The following AMBN variants were observed in gnomAD, a reference collection of about 807,000 sequenced individuals.
The protein encoded by AMBN is ameloblastin, also known as enamel matrix protein.
Under a neutral mutation model 48.0 loss-of-function variants are expected in AMBN, and 54 were observed. The ratio of observed to expected loss-of-function variants is 1.12; its 90% CI spans 0.90 to 1.41. The LOEUF is 1.41. AMBN is among the 40% of genes most tolerant of loss of function. The pLI is 0.00. For missense variants in AMBN, 571 were observed against 547.3 expected (o/e 1.04, Z -0.43); for synonymous variants, 186 against 190.0 (o/e 0.98, Z 0.17).
chr4:70,600,118 C>T (rs572136702), intron 5 of AMBN, among the ~76,000 whole-genome samples: 1 of 152,078 alleles, frequency 6.6e-6, no homozygotes, highest in Admixed American at 6.5e-5. Context: ...ACCAGCCTGG[C>T]CAACATGGTG....
chr4:70,595,344 C>T (rs1178176450), intron 2 of AMBN, among the ~76,000 whole-genome samples: 10 of 151,962 alleles, frequency 6.6e-5, no homozygotes, highest in African/African-American at 1.7e-4. Context: ...CGTGTCACCA[C>T]GCCCAGCTAA....
At chr4:70,598,478 AATTT>A in intron 4 of AMBN, 75 bp downstream of exon 4, 1 of 1,231,558 alleles carries the variant, frequency 8.1e-7, no homozygotes, top group Non-Finnish European at 1.1e-6. Context: ...TAATTCATCA[AATTT>A]ATTTATGAAT....
intron 6 of AMBN, chr4:70,601,876 A>C (rs28538959): frequency 0.38 from 245,414 of 652,418 alleles, 48,605 homozygotes; most frequent in Admixed American, 0.43. Context: ...TCTAAAAGAT[A>C]CTGTGCCTAT....
chr4:70,598,770 T>TTTTATTTA (rs982792752), intron 4 of AMBN, among the ~76,000 whole-genome samples: 1 of 151,750 alleles, frequency 6.6e-6, no homozygotes, highest in South Asian at 2.1e-4. Context: ...CTTATTTTAT[T>TTTTATTTA]TTTATTTATT....
At position 70,601,630 on chromosome 4, in the gene AMBN, A is replaced by G. The variant is rs1247231314; in HGVS notation, c.507A>G (p.Pro169=). 3 of 1,614,156 alleles carry G rather than the reference A, an allele frequency of 1.9e-6. No homozygotes were observed. The Admixed American group carries it at 5.0e-5, about 27-fold the overall frequency. The change falls in exon 6 of 13, where the codon CCA becomes CCG. Residue 169 remains proline (P), a synonymous_variant. Coordinates refer to ENST00000322937, the MANE Select transcript of AMBN (RefSeq NM_016519.6). The part of the protein sequence containing the change: ...ELPLVQQQVA[P]SDKPPKPELP... ...CTCTGGTTCAGCAGCAGGTGGCACC[A>G]TCAGATAAGCCACCAAAGCCTGAGG...
intron 4 of AMBN, 73 bp from the exon 5 acceptor site, chr4:70,599,463 G>T: frequency 8.4e-7 from 1 of 1,184,914 alleles, no homozygotes; most frequent in Non-Finnish European, 1.2e-6. Context: ...AAAAGGAAAA[G>T]GAAAACCAAA....
At chr4:70,602,885 A>G in intron 8 of AMBN, 49 bp downstream of exon 8, 1 of 1,537,376 alleles carries the variant, frequency 6.5e-7, no homozygotes, top group Non-Finnish European at 8.8e-7. Context: ...TTTTATTTTT[A>G]TTTGTTCACT....
At chr4:70,593,305 C>A (rs1379478120) in intron 1 of AMBN, 22 bp from the exon 2 acceptor site, 2 of 1,568,680 alleles carry the variant, frequency 1.3e-6, no homozygotes, top group South Asian at 1.1e-5. Context: ...TGATTTAATT[C>A]TCCAACTTAA....
At chr4:70,594,001 G>A (rs895738500) in intron 2 of AMBN, among the ~76,000 whole-genome samples, 22 of 151,964 alleles carry the variant, frequency 1.4e-4, no homozygotes, top group Admixed American at 1.0e-3. Context: ...AATGCATGGC[G>A]AAATTTTATT....
At chr4:70,602,873 A>G in intron 8 of AMBN, 37 bp downstream of exon 8, 2 of 1,516,208 alleles carry the variant, frequency 1.3e-6, no homozygotes, top group Non-Finnish European at 1.8e-6. Context: ...TCTATTTTTT[A>G]TTTTTATTTT....
In AMBN at chr4:70,592,279, G is replaced by C; in HGVS notation, c.-80G>C. 2 of 1,404,304 alleles carry C rather than the reference G, an allele frequency of 1.4e-6. No homozygotes were observed. The highest frequency in any genetic ancestry group is 2.4e-5 in the East Asian group (1 of 42,250). 87.0% of individuals were successfully genotyped at this position (1,404,304 alleles called of 1,614,324 possible). A position where few individuals can be genotyped will look rare whatever the true frequency, so the allele number is the denominator to read the frequency against. On this transcript the variant is annotated 5_prime_UTR_variant, in exon 1 of 13. Coordinates refer to ENST00000322937, the MANE Select transcript of AMBN (RefSeq NM_016519.6). The stretch of plus-strand genomic sequence containing the variant: ...ATGAGAAGTACAGAGCAAGTCCCAC[G>C]CACAGTCCTGAAAAAAATTTTAATC...
intron 2 of AMBN, 28 bp downstream of exon 2, chr4:70,593,423 G>C (rs371641899): frequency 6.3e-7 from 1 of 1,580,360 alleles, no homozygotes; most frequent in Non-Finnish European, 8.7e-7. Flanking sequence ...GTGTGTCCCA[G>C]AAAAGGTTAT....
Position 70,607,032 on chromosome 4 carries a change from T to C in AMBN, c.*302T>C, listed in dbSNP as rs1172685700. The C allele has an allele frequency of 7.3e-6, 2 of 275,344 alleles. No homozygotes were observed. Among genetic ancestry groups the C allele is most frequent in the African/African-American group, 2.2e-5 (1 of 45,938 alleles). 17.1% of individuals were successfully genotyped at this position (275,344 alleles called of 1,614,324 possible). On this transcript the variant is annotated 3_prime_UTR_variant, in exon 13 of 13. Transcript: ENST00000322937. ...TTTTTCTTAGCTGTCTTAAGCATTA[T>C]AGAATTTCTCTTACCAGCATGACAC...
chr4:70,599,697 C>A, intron 5 of AMBN, 51 bp downstream of exon 5: 1 of 1,343,068 alleles, frequency 7.4e-7, no homozygotes. Context: ...AAAACCTCTT[C>A]TTACTTGCCT....
At chr4:70,592,443 T>G in intron 1 of AMBN, 70 bp downstream of exon 1, 1 of 1,535,172 alleles carries the variant, frequency 6.5e-7, no homozygotes, top group East Asian at 2.3e-5. Flanking sequence ...TGACAGCTTT[T>G]ATAAAGAGGA....
At chr4:70,598,590 T>G (rs1462042465) in intron 4 of AMBN, among the ~76,000 whole-genome samples, 187 bp downstream of exon 4, 1 of 152,116 alleles carries the variant, frequency 6.6e-6, no homozygotes, top group Non-Finnish European at 1.5e-5. Flanking sequence ...ATATTGAATT[T>G]TATTGAGTTA....
chr4:70,595,638 T>C (rs1270047186), intron 2 of AMBN, among the ~76,000 whole-genome samples: 2 of 152,130 alleles, frequency 1.3e-5, no homozygotes, highest in African/African-American at 4.8e-5. Context: ...ATAATACTGA[T>C]ATATTTGGTA....
In AMBN at chr4:70,601,601, C is replaced by G; in HGVS notation, c.478C>G (p.Leu160Val). ...ACATCTGCCCTTGCAGGAAGGAGAA[C>G]TGCCTCTGGTTCAGCAGCAGGTGGC... ...LGHLPLQEGE[L>V]PLVQQQVAPS... The change falls in exon 6 of 13, where the codon CTG (leucine) becomes GTG (valine). Residue 160 changes from leucine (L) to valine (V), a missense_variant. Leu to Val is a conservative substitution (Grantham distance 32). Transcript: ENST00000322937. 1 of 1,614,174 alleles carries G rather than the reference C, an allele frequency of 6.2e-7. No homozygotes were observed. The highest frequency in any genetic ancestry group is 1.1e-5 in the South Asian group (1 of 91,090).
chr4:70,596,858 G>C, intron 2 of AMBN, 141 bp from the exon 3 acceptor site: 1 of 561,134 alleles, frequency 1.8e-6, no homozygotes, highest in South Asian at 2.9e-5. Flanking sequence ...TTCTGCCCAA[G>C]CACTCAAGTC....
Sources: allele counts gnomAD v4.1 joint callset (sites outside exome capture counted in the v4.1 genomes callset), GRCh38; gene constraint gnomAD v4.1.1; transcripts MANE v1.5; gene names NCBI Gene and HGNC (gene_info 2026-07-23, HGNC 2026-07-21).